Variants in ZNF100 observed in about 807,000 individuals in gnomAD.
The protein encoded by ZNF100 is zinc finger protein 100 (Y1).
In ZNF100, 12 loss-of-function variants were observed where a neutral mutation model predicts 15.8. That is an observed-to-expected ratio of 0.76 (90% confidence interval 0.49 to 1.23). The LOEUF (loss-of-function observed/expected upper bound fraction) is 1.23. Among genes scored for constraint, ZNF100 ranks in the 50% most tolerant of loss-of-function variants. The probability of loss-of-function intolerance (pLI) is 0.00; values close to 1 mark genes in which losing one functional copy is unlikely to be tolerated. For synonymous variants in ZNF100, 226 were observed against 214.8 expected, an observed-to-expected ratio of 1.05 and a Z score of -0.45; for missense variants, 670 against 635.6, an observed-to-expected ratio of 1.05 and a Z score of -0.58.
In ZNF100 at chr19:21,727,358, T is replaced by C; in HGVS notation, c.954A>G (p.Lys318=). Residue 318 remains lysine, a synonymous_variant, in exon 5 of 5, where the codon AAA becomes AAG. Coordinates refer to ENST00000358296, the MANE Select transcript of ZNF100 (RefSeq NM_173531.4). ...TAAAAGCTTTGCCACATTCTGTACA[T>C]TTGTAGGGTTTCACTCCAGTATGAA... ...KRIHTGVKPY[K]CTECGKAFNR... is the part of the protein sequence containing the mutation. The C allele has an allele frequency of 6.2e-7, 1 of 1,612,776 alleles. No individual in the cohort carries two copies. The highest frequency in any genetic ancestry group is 8.5e-7 in the Non-Finnish European group (1 of 1,179,594).
intron 2 of ZNF100, among the ~76,000 whole-genome samples, chr19:21,754,491 T>G (rs2145734873): frequency 6.6e-6 from 1 of 152,264 alleles, no homozygotes; most frequent in African/African-American, 2.4e-5. Flanking sequence ...CCACCACACA[T>G]TTACAACCAT....
chr19:21,727,283 T>C lies in ZNF100; in HGVS notation c.1029A>G (p.Lys343=). 6.2e-7 allele frequency: 1 copy of C among 1,613,520 alleles called. No individual in the cohort carries two copies. The highest frequency in any genetic ancestry group is 1.1e-5 in the South Asian group (1 of 91,082). Residue 343 remains lysine (K), a synonymous_variant, in exon 5 of 5, where the codon AAA becomes AAG. Transcript: ENST00000358296. ...TTHRIIHTGE[K]PYKCEECGKA... The stretch of plus-strand genomic sequence containing the variant: ...TGCCACATTCTTCACATTTGTAGGG[T>C]TTCTCTCCAGTATGAATTATCCTGT...
chr19:21,745,080 A>G lies in ZNF100; in HGVS notation c.97-13T>C, dbSNP rs1599391948. On this transcript the variant is annotated splice_polypyrimidine_tract_variant and intron_variant, in intron 2 of 4. Coordinates refer to ENST00000358296, the MANE Select transcript of ZNF100 (RefSeq NM_173531.4). ...ACGTCAATGGCCCCTGAAAAGCACA[A>G]GCACAGAGACACACATATATTTACC... The G allele has an allele frequency of 6.2e-7, 1 of 1,604,614 alleles. No individual in the cohort carries two copies. The highest frequency in any genetic ancestry group is 8.5e-7 in the Non-Finnish European group (1 of 1,177,724).
At chr19:21,752,766 C>T (rs1360958371) in intron 2 of ZNF100, 1 of 152,186 alleles carries the variant, frequency 6.6e-6, no homozygotes, top group African/African-American at 2.4e-5. Context: ...AGTTTGGGCC[C>T]TCCAAGGTAC....
In ZNF100 at chr19:21,727,799, A is replaced by G. The variant is rs756330151; in HGVS notation, c.513T>C (p.Thr171=). Residue 171 remains threonine, a synonymous_variant, in exon 5 of 5, where the codon ACT becomes ACC. Coordinates refer to ENST00000358296, the MANE Select transcript of ZNF100 (RefSeq NM_173531.4). Reference sequence around the variant, plus strand: ...CACATTGAAATATGTTGCTCTGGGTAGTTATCAAACACTGGTTTAATTTGT... The same window carrying G: ...CACATTGAAATATGTTGCTCTGGGTGGTTATCAAACACTGGTTTAATTTGT... ...HDNKLNQCLI[T]TQSNIFQCDP... is the part of the protein sequence containing the mutation. The G allele has an allele frequency of 1.2e-6, 2 of 1,613,398 alleles. No individual in the cohort carries two copies. Among genetic ancestry groups the G allele is most frequent in the Admixed American group, 1.7e-5 (1 of 59,928 alleles).
At chr19:21,748,911 G>A (rs537906865) in intron 2 of ZNF100, among the ~76,000 whole-genome samples, 3 of 152,294 alleles carry the variant, frequency 2.0e-5, no homozygotes, top group Admixed American at 6.5e-5. Context: ...TCTCCATGTT[G>A]TTCAGGCTGA....
In ZNF100 at chr19:21,723,515, C is replaced by T. The variant is rs919497453; in HGVS notation, c.*3168G>A. On this transcript the variant is annotated 3_prime_UTR_variant, in exon 5 of 5. Transcript: ENST00000358296. ...TGCTGCATACATAGCTGGGGATACA[C>T]ATAATAAATACAGAGAAATCTGAAG... 1 of 152,074 alleles carries T rather than the reference C, an allele frequency of 6.6e-6. No homozygotes were observed. Among genetic ancestry groups the T allele is most frequent in the Non-Finnish European group, 1.5e-5 (1 of 68,028 alleles). 9.4% of individuals were successfully genotyped at this position (152,074 alleles called of 1,614,324 possible). A position where few individuals can be genotyped will look rare whatever the true frequency, so the allele number is the denominator to read the frequency against.
intron 2 of ZNF100, among the ~76,000 whole-genome samples, chr19:21,760,961 T>C (rs1568312596): frequency 6.6e-6 from 1 of 151,984 alleles, no homozygotes; most frequent in Non-Finnish European, 1.5e-5. Flanking sequence ...GGTTTCACCA[T>C]GTTAGCCAGG....
intron 2 of ZNF100, among the ~76,000 whole-genome samples, chr19:21,754,991 T>G (rs922922354): frequency 6.6e-6 from 1 of 152,194 alleles, no homozygotes; most frequent in Non-Finnish European, 1.5e-5. Context: ...GAACAGATAC[T>G]TCTCAAAAGA....
chr19:21,752,692 T>C (rs2036328519), intron 2 of ZNF100: 1 of 152,360 alleles, frequency 6.6e-6, no homozygotes, highest in Admixed American at 6.5e-5. Context: ...ATTTTCATAA[T>C]GCCAATGAAC....
rs2035748146 is a variant in ZNF100, at chr19:21,724,888, C to T, written c.*1795G>A. ...CTTACATTATGAAACCCTGTCTCTA[C>T]TAAAATACAAAAATTAGCTGGGCAT... is the stretch of plus-strand genomic sequence containing the variant. On this transcript the variant is annotated 3_prime_UTR_variant, in exon 5 of 5. Coordinates refer to ENST00000358296, the MANE Select transcript of ZNF100 (RefSeq NM_173531.4). The T allele has an allele frequency of 6.6e-6, 1 of 151,952 alleles. No individual in the cohort carries two copies. The highest frequency in any genetic ancestry group is 2.4e-5 in the African/African-American group (1 of 41,344). The allele number at this position is 151,952 out of a possible 1,614,324, so 9.4% of individuals were successfully genotyped here. A position where few individuals can be genotyped will look rare whatever the true frequency, so the allele number is the denominator to read the frequency against.
chr19:21,761,570 A>C lies in ZNF100; in HGVS notation c.96+4124T>G, dbSNP rs114704588. Among the ~76,000 whole-genome samples the C allele has an allele frequency of 4.2e-3, 633 of 152,346 alleles. 4 individuals carry two copies. Among genetic ancestry groups the C allele is most frequent in the African/African-American group, 0.015 (604 of 41,582 alleles). On this transcript the variant is annotated intron_variant, in intron 2 of 4. Transcript: ENST00000358296. Reference sequence around the variant, plus strand: ...TTTCTTATCTGAGATTCCTTTTATGAAACAAGGTTCCATCAAACCCAATTT... The same window carrying C: ...TTTCTTATCTGAGATTCCTTTTATGCAACAAGGTTCCATCAAACCCAATTT...
At chr19:21,751,046 A>C (rs1311550781) in intron 2 of ZNF100, 12 of 1,361,990 alleles carry the variant, frequency 8.8e-6, no homozygotes, top group Middle Eastern at 2.4e-4. Flanking sequence ...CACATCAGCG[A>C]CCACGAGATG....
At chr19:21,744,441 C>T (rs35923238) in intron 3 of ZNF100, among the ~76,000 whole-genome samples, 13,118 of 152,114 alleles carry the variant, frequency 0.086, 730 homozygotes, top group South Asian at 0.18. Flanking sequence ...GGCATGATCT[C>T]GGCTCACTAC....
chr19:21,728,132 A>G (rs2035848084), intron 4 of ZNF100, 143 bp from the exon 5 acceptor site: 2 of 320,502 alleles, frequency 6.2e-6, no homozygotes, highest in Admixed American at 1.4e-4. Context: ...ATATAAATGT[A>G]AAAAAAAAAA....
Position 21,727,146 on chromosome 19 carries a change from G to T in ZNF100, c.1166C>A (p.Thr389Asn), listed in dbSNP as rs7246400. Residue 389 changes from threonine to asparagine, a missense_variant, in exon 5 of 5, where the codon ACT becomes AAT. Physicochemically the swap from Thr to Asn is moderately conservative, Grantham distance 65. Coordinates refer to ENST00000358296, the MANE Select transcript of ZNF100 (RefSeq NM_173531.4). Reference protein sequence around the residue: ...GKAFYRFSYLTKHKTSHTGEK... With the variant: ...GKAFYRFSYLNKHKTSHTGEK... Reference sequence around the variant, plus strand: ...TCCAGTATGACTTGTCTTATGTTTAGTAAGGTATGAGAATCGGTAAAAAGC... The same window carrying T: ...TCCAGTATGACTTGTCTTATGTTTATTAAGGTATGAGAATCGGTAAAAAGC... The T allele has an allele frequency of 6.2e-7, 1 of 1,612,050 alleles. No individual in the cohort carries two copies. Among genetic ancestry groups the T allele is most frequent in the South Asian group, 1.1e-5 (1 of 91,054 alleles).
rs367979972 is a variant in ZNF100 at position 21,736,698 on chromosome 19, C to A, written c.322+7319G>T. Among the ~76,000 whole-genome samples, 237 of 152,306 alleles carry A rather than the reference C, an allele frequency of 1.6e-3. 2 individuals carry two copies. The highest frequency in any genetic ancestry group is 5.2e-3 in the African/African-American group (218 of 41,548). The stretch of plus-strand genomic sequence containing the variant: ...AAGAACCAAAATCATAACAGTTTCT[C>A]AGACCACAGTGCAATCAAATTAGAA... On this transcript the variant is annotated intron_variant, in intron 4 of 4. Transcript: ENST00000358296.
At chr19:21,751,243 A>G in intron 2 of ZNF100, 1 of 1,227,772 alleles carries the variant, frequency 8.1e-7, no homozygotes, top group Non-Finnish European at 1.2e-6. Context: ...CAGAACAGTC[A>G]GCCAGCCTAA....
Position 21,727,463 on chromosome 19 carries a change from A to T in ZNF100, c.849T>A (p.His283Gln), listed in dbSNP as rs1331772190. The T allele has an allele frequency of 3.1e-6, 5 of 1,613,220 alleles. No individual in the cohort carries two copies. In the African/African-American group the frequency reaches 5.3e-5, roughly 17 times the overall value. The change falls in exon 5 of 5, where the codon CAT becomes CAA. Residue 283 changes from histidine to glutamine, a missense_variant. Coordinates refer to ENST00000358296, the MANE Select transcript of ZNF100 (RefSeq NM_173531.4). ...CACATCTGTATGGTTTCTCTCCAGT[A>T]TGAATTATCTTATGTGTAGTAAGGT... ...SSHLTTHKII[H>Q]TGEKPYRCEE...
Sources: allele counts gnomAD v4.1 joint callset (sites outside exome capture counted in the v4.1 genomes callset), GRCh38; gene constraint gnomAD v4.1.1; transcripts MANE v1.5; gene names NCBI Gene and HGNC (gene_info 2026-07-23, HGNC 2026-07-21).